GPC6: variants seen among roughly 807,000 people sequenced by gnomAD.
GPC6 encodes the protein glypican-6.
GPC6 carries 14 observed loss-of-function variants against 55.2 expected under a neutral mutation model. That is an observed-to-expected ratio of 0.25 (90% CI 0.17 to 0.40). The LOEUF (loss-of-function observed/expected upper bound fraction) is 0.40. Among genes scored for constraint, GPC6 ranks in the 10% least tolerant of loss-of-function variants. GPC6 has a pLI of 1.00. For missense variants in GPC6, 641 were observed against 708.5 expected (o/e 0.90, Z 1.08); for synonymous variants, 278 against 259.6 (o/e 1.07, Z -0.68).
chr13:94,112,683 A>C (rs754102789), intron 4 of GPC6, among the ~76,000 whole-genome samples: 3 of 152,162 alleles, frequency 2.0e-5, no homozygotes, highest in Non-Finnish European at 4.4e-5. Flanking sequence ...CATCAGTGCT[A>C]TCTTAAGTAT....
intron 1 of GPC6, among the ~76,000 whole-genome samples, chr13:93,509,955 G>A (rs1880884741): frequency 2.0e-5 from 3 of 152,134 alleles, no homozygotes; most frequent in Admixed American, 2.0e-4. Context: ...AGATTTTTCT[G>A]TTGAATCATA....
At chr13:93,619,516 G>T (rs1878865311) in intron 2 of GPC6, among the ~76,000 whole-genome samples, 1 of 152,084 alleles carries the variant, frequency 6.6e-6, no homozygotes, top group Admixed American at 6.6e-5. Flanking sequence ...TCAGTGGCGT[G>T]ATCATAACTC....
chr13:93,449,679 T>C (rs540352072), intron 1 of GPC6, among the ~76,000 whole-genome samples: 3 of 151,726 alleles, frequency 2.0e-5, no homozygotes, highest in African/African-American at 4.8e-5. Flanking sequence ...AATACAAAAA[T>C]TAGCCAGGCG....
chr13:94,200,299 AT>A (rs1189549358), intron 4 of GPC6, among the ~76,000 whole-genome samples: 4 of 152,192 alleles, frequency 2.6e-5, no homozygotes, highest in Non-Finnish European at 5.9e-5. Flanking sequence ...ACTTCAAGGT[AT>A]TTTAGGTCTA....
chr13:94,043,326 C>A (rs1281732653), intron 4 of GPC6, among the ~76,000 whole-genome samples: 1 of 151,836 alleles, frequency 6.6e-6, no homozygotes, highest in Non-Finnish European at 1.5e-5. Flanking sequence ...CTACTTCATA[C>A]ATACTGACAA....
intron 1 of GPC6, among the ~76,000 whole-genome samples, chr13:93,304,336 G>A (rs1167556129): frequency 1.6e-4 from 25 of 152,202 alleles, no homozygotes; most frequent in Admixed American, 1.5e-3. Flanking sequence ...CAGCCAGCGC[G>A]AGGTTTTCAA....
At chr13:93,229,727 A>T (rs930609600) in intron 1 of GPC6, among the ~76,000 whole-genome samples, 40 of 150,234 alleles carry the variant, frequency 2.7e-4, no homozygotes, top group African/African-American at 8.1e-4. Context: ...TTTTTTTTTT[A>T]AACTCACCTA....
chr13:93,520,545 A>T lies in GPC6; in HGVS notation c.161-24718A>T, dbSNP rs1426484759. On this transcript the variant is annotated intron_variant, in intron 1 of 8. Transcript: ENST00000377047. ...GCCAAGTTGCTGAAATAGACTTTAA[A>T]AAAAAAAAACACTTGAAGATTTTTA... 1.7e-4 allele frequency among the ~76,000 whole-genome samples: 25 copies of T among 149,362 alleles called. No homozygotes were observed. The South Asian group carries it at 4.5e-3, about 27-fold the overall frequency.
chr13:93,374,430 G>T (rs189872299), intron 1 of GPC6, among the ~76,000 whole-genome samples: 1 of 152,126 alleles, frequency 6.6e-6, no homozygotes, highest in Non-Finnish European at 1.5e-5. Context: ...CTCTTACGGG[G>T]TATCCTCTCC....
At chr13:94,105,352 AG>A (rs56808889) in intron 4 of GPC6, among the ~76,000 whole-genome samples, 84,539 of 151,928 alleles carry the variant, frequency 0.56, 23,672 homozygotes, top group Middle Eastern at 0.62. Context: ...GAGCAAATAG[AG>A]CAAAATATCC....
intron 4 of GPC6, among the ~76,000 whole-genome samples, chr13:94,208,243 G>A (rs920417040): frequency 6.6e-6 from 1 of 152,190 alleles, no homozygotes; most frequent in African/African-American, 2.4e-5. Flanking sequence ...TTTACAAAGT[G>A]TGTTTTTGGG....
intron 2 of GPC6, among the ~76,000 whole-genome samples, chr13:93,782,985 C>T (rs187398475): frequency 6.5e-4 from 99 of 152,196 alleles, no homozygotes; most frequent in Non-Finnish European, 7.4e-5. Context: ...GCTGCCCTTC[C>T]CCAACAGGCC....
chr13:93,477,266 T>C (rs1218620323), intron 1 of GPC6, among the ~76,000 whole-genome samples: 2 of 152,190 alleles, frequency 1.3e-5, no homozygotes, highest in Admixed American at 6.5e-5. Flanking sequence ...TACAAATTCA[T>C]AGAATTAAAG....
intron 3 of GPC6, among the ~76,000 whole-genome samples, chr13:93,937,672 G>T (rs539697193): frequency 6.6e-6 from 1 of 152,016 alleles, no homozygotes; most frequent in African/African-American, 2.4e-5. Flanking sequence ...TCTGCCTCCC[G>T]GATTCAAGCG....
intron 2 of GPC6, among the ~76,000 whole-genome samples, chr13:93,715,043 G>T (rs1219514044): frequency 6.6e-6 from 1 of 151,582 alleles, no homozygotes; most frequent in Non-Finnish European, 1.5e-5. Context: ...GTTCCAGATG[G>T]TTTAGGCTGA....
intron 3 of GPC6, among the ~76,000 whole-genome samples, chr13:93,894,230 A>G (rs968556314): frequency 1.3e-5 from 2 of 152,176 alleles, no homozygotes; most frequent in Non-Finnish European, 2.9e-5. Flanking sequence ...TAGTCCCAGG[A>G]CATAAATTTC....
At chr13:93,917,168 G>A (rs1339516939) in intron 3 of GPC6, among the ~76,000 whole-genome samples, 3 of 152,088 alleles carry the variant, frequency 2.0e-5, no homozygotes, top group Admixed American at 6.5e-5. Flanking sequence ...TTCTTCCAAA[G>A]ACTATTTTAA....
At chr13:94,361,853 G>A (rs1225007820) in intron 6 of GPC6, among the ~76,000 whole-genome samples, 1 of 152,126 alleles carries the variant, frequency 6.6e-6, no homozygotes, top group Non-Finnish European at 1.5e-5. Flanking sequence ...TTTTAATATT[G>A]GCACAGTTAG....
chr13:94,072,040 G>A (rs1395071584), intron 4 of GPC6, among the ~76,000 whole-genome samples: 1 of 152,088 alleles, frequency 6.6e-6, no homozygotes, highest in Admixed American at 6.5e-5. Context: ...TTCTAAACAA[G>A]TTTATTTTAG....
Sources: allele counts gnomAD v4.1 joint callset (sites outside exome capture counted in the v4.1 genomes callset), GRCh38; gene constraint gnomAD v4.1.1; transcripts MANE v1.5; gene names NCBI Gene and HGNC (gene_info 2026-07-23, HGNC 2026-07-21).